DCLK2: variants seen among roughly 807,000 people sequenced by gnomAD.
The protein encoded by DCLK2 is serine/threonine-protein kinase DCLK2.
In DCLK2, 31 loss-of-function variants were observed where a neutral mutation model predicts 78.4. That is an observed-to-expected ratio of 0.40 (90% CI 0.30 to 0.53). The LOEUF (loss-of-function observed/expected upper bound fraction) is 0.53. Among genes scored for constraint, DCLK2 ranks in the 20% least tolerant of loss-of-function variants. The probability of loss-of-function intolerance (pLI) is 0.61; values close to 1 mark genes in which losing one functional copy is unlikely to be tolerated. For synonymous variants in DCLK2, 407 were observed against 374.9 expected (o/e 1.09, Z -0.99); for missense variants, 872 against 973.7 (o/e 0.90, Z 1.39).
intron 1 of DCLK2, among the ~76,000 whole-genome samples, chr4:150,088,428 C>A (rs1479419471): frequency 6.9e-6 from 1 of 144,488 alleles, no homozygotes. Flanking sequence ...CTTTTTTTTT[C>A]TGCTTATATA....
Position 150,245,921 on chromosome 4 carries a change from G to T in DCLK2, c.1779-1682G>T, listed in dbSNP as rs1002249638. On this transcript the variant is annotated intron_variant, in intron 12 of 15. Transcript: ENST00000296550. Reference sequence around the variant, plus strand: ...CCCATTACTGGGTATATACCCAAAGGATTATAAATCATGCTTCTATAAAGA... The same window carrying T: ...CCCATTACTGGGTATATACCCAAAGTATTATAAATCATGCTTCTATAAAGA... Among the ~76,000 whole-genome samples the T allele has an allele frequency of 4.6e-5, 7 of 152,194 alleles. 1 individual carries two copies. The highest frequency in any genetic ancestry group is 3.9e-4 in the Admixed American group (6 of 15,288).
At chr4:150,167,229 C>T (rs994308802) in intron 2 of DCLK2, among the ~76,000 whole-genome samples, 10 of 152,286 alleles carry the variant, frequency 6.6e-5, no homozygotes, top group Admixed American at 4.6e-4. Context: ...TGGCAGCAGG[C>T]CTGCAGAGAA....
chr4:150,159,568 T>C (rs958944846), intron 2 of DCLK2, among the ~76,000 whole-genome samples: 2 of 152,244 alleles, frequency 1.3e-5, no homozygotes, highest in Admixed American at 6.5e-5. Flanking sequence ...GAGTGTGGGC[T>C]TCTCTTTATG....
intron 1 of DCLK2, among the ~76,000 whole-genome samples, chr4:150,087,190 G>A (rs1466557144): frequency 1.3e-5 from 2 of 152,200 alleles, no homozygotes; most frequent in Admixed American, 6.5e-5. Context: ...TAAAGGAATG[G>A]TAAAATACCG....
chr4:150,236,650 C>G (rs1580773417), intron 10 of DCLK2, among the ~76,000 whole-genome samples: 1 of 152,162 alleles, frequency 6.6e-6, no homozygotes, highest in Non-Finnish European at 1.5e-5. Flanking sequence ...ATGTGTGTGT[C>G]TCTGTATCTA....
At chr4:150,161,453 A>T (rs1458046602) in intron 2 of DCLK2, among the ~76,000 whole-genome samples, 2 of 152,230 alleles carry the variant, frequency 1.3e-5, no homozygotes, top group East Asian at 3.9e-4. Flanking sequence ...CAAAATACAA[A>T]TTTTTTGGTT....
rs148482660 is a variant in DCLK2, at chr4:150,079,360, G to C, written c.333G>C (p.Ser111=). ...TCATAGAGCTCACCCGCTCCCTGTC[G>C]GACAACGTGAACCTGCCCCAGGGTG... ...ALLIELTRSL[S]DNVNLPQGVR... is the part of the protein sequence containing the mutation. The change falls in exon 1 of 16, where the codon TCG becomes TCC. Residue 111 remains serine, a synonymous_variant. Transcript: ENST00000296550. The C allele has an allele frequency of 7.2e-4, 1,137 of 1,588,910 alleles. 5 individuals carry two copies. In the African/African-American group the frequency reaches 0.011, roughly 15 times the overall value.
At position 150,102,584 on chromosome 4, in the gene DCLK2, G is replaced by C. The variant is rs768859056; in HGVS notation, c.528G>C (p.Ala176=). The C allele has an allele frequency of 4.3e-6, 7 of 1,614,128 alleles. No homozygotes were observed. Among genetic ancestry groups the C allele is most frequent in the Non-Finnish European group, 4.2e-6 (5 of 1,180,014 alleles). Residue 176 remains alanine, a synonymous_variant, in exon 2 of 16, where the codon GCG becomes GCC. Transcript: ENST00000296550. ...SVNIKGGTSR[A]LAAASSVKSE... is the part of the protein sequence containing the mutation. ...ACATCAAGGGTGGGACATCCCGAGC[G>C]CTGGCTGCTGCCTCCTCTGTGAAAA...
chr4:150,209,798 A>T (rs1740151080), intron 5 of DCLK2: 1 of 152,416 alleles, frequency 6.6e-6, no homozygotes. Flanking sequence ...ATTTAGGGCC[A>T]GGTGCGGTGG....
chr4:150,246,977 C>T (rs72951577), intron 12 of DCLK2, among the ~76,000 whole-genome samples: 2,680 of 152,178 alleles, frequency 0.018, 63 homozygotes, highest in African/African-American at 0.057. Flanking sequence ...CTAATTATTT[C>T]ATGAATGTTT....
chr4:150,211,270 T>G (rs1017579986), intron 5 of DCLK2, among the ~76,000 whole-genome samples: 1 of 152,100 alleles, frequency 6.6e-6, no homozygotes, highest in Non-Finnish European at 1.5e-5. Flanking sequence ...TGGCTTGAGT[T>G]TCCTCAGAAC....
chr4:150,165,153 C>T (rs1387115884), intron 2 of DCLK2, among the ~76,000 whole-genome samples: 1 of 152,128 alleles, frequency 6.6e-6, no homozygotes, highest in East Asian at 1.9e-4. Context: ...AGAGGAACTT[C>T]CTTGTTTAAA....
At chr4:150,125,932 A>G (rs1465601977) in intron 2 of DCLK2, among the ~76,000 whole-genome samples, 1 of 151,062 alleles carries the variant, frequency 6.6e-6, no homozygotes, top group Non-Finnish European at 1.5e-5. Flanking sequence ...ATAGTTATGC[A>G]TGTAGACAAT....
intron 3 of DCLK2, among the ~76,000 whole-genome samples, chr4:150,197,524 C>T (rs1012937585): frequency 2.4e-4 from 36 of 152,130 alleles, no homozygotes; most frequent in African/African-American, 7.7e-4. Context: ...GAGGCTGAGG[C>T]GGGTGTACCG....
chr4:150,249,579 C>A lies in DCLK2; in HGVS notation c.1968C>A (p.Ser656=). Residue 656 remains serine, a synonymous_variant, in exon 15 of 16, where the codon TCC becomes TCA. Coordinates refer to ENST00000296550, the MANE Select transcript of DCLK2 (RefSeq NM_001040260.4). The part of the protein sequence containing the change: ...LSHPWVSDDA[S]QENNMQAEVT... ...TTTCTTTCCTGTAGGATGATGCCTC[C>A]CAGGAGAATAACATGCAAGCTGAGG... 6.2e-7 allele frequency: 1 copy of A among 1,613,240 alleles called. No individual in the cohort carries two copies. The highest frequency in any genetic ancestry group is 8.5e-7 in the Non-Finnish European group (1 of 1,179,654).
At chr4:150,103,734 C>T (rs1366551923) in intron 2 of DCLK2, among the ~76,000 whole-genome samples, 2 of 152,118 alleles carry the variant, frequency 1.3e-5, no homozygotes, top group African/African-American at 4.8e-5. Context: ...TCAAATTAGT[C>T]TCCAATTTTC....
chr4:150,239,265 T>C (rs1560900218), intron 10 of DCLK2, among the ~76,000 whole-genome samples: 1 of 152,072 alleles, frequency 6.6e-6, no homozygotes, highest in Admixed American at 6.6e-5. Context: ...AGAAAAAAAT[T>C]AGCACTTTAA....
chr4:150,188,825 A>C (rs1483213977), intron 2 of DCLK2, among the ~76,000 whole-genome samples: 1 of 151,042 alleles, frequency 6.6e-6, no homozygotes, highest in African/African-American at 2.4e-5. Context: ...GAATGGCGTG[A>C]ACCTGGGAGG....
intron 2 of DCLK2, among the ~76,000 whole-genome samples, chr4:150,171,539 T>C (rs1736531914): frequency 6.6e-6 from 1 of 152,224 alleles, no homozygotes; most frequent in African/African-American, 2.4e-5. Context: ...TTGCTGCAGC[T>C]GTTCATTTAG....
Sources: gnomAD v4.1 joint callset for allele counts (sites outside exome capture counted in the v4.1 genomes callset) on GRCh38, gnomAD v4.1.1 for gene constraint, MANE v1.5 for transcripts, NCBI Gene and HGNC (gene_info 2026-07-23, HGNC 2026-07-21) for gene names.